The following RAP1GDS1 variants were observed in gnomAD, a reference collection of about 807,000 sequenced individuals.
RAP1GDS1 encodes the protein Rap1 GTPase-GDP dissociation stimulator 1.
Under a neutral mutation model 71.1 loss-of-function variants are expected in RAP1GDS1, and 35 were observed. That is an observed-to-expected ratio of 0.49 (90% CI 0.38 to 0.65). The LOEUF is 0.65. RAP1GDS1 is among the 30% of genes least tolerant of loss of function. The pLI, the probability that RAP1GDS1 is intolerant of heterozygous loss-of-function variation, is 0.00. For missense variants in RAP1GDS1, 663 were observed against 706.1 expected, an observed-to-expected ratio of 0.94 and a Z score of 0.69; for synonymous variants, 229 against 243.1, an observed-to-expected ratio of 0.94 and a Z score of 0.54.
At chr4:98,336,117 A>G (rs1434451653) in intron 2 of RAP1GDS1, among the ~76,000 whole-genome samples, 2 of 152,034 alleles carry the variant, frequency 1.3e-5, no homozygotes, top group Admixed American at 6.5e-5. Flanking sequence ...TTTTTTCACT[A>G]TGTTTTATTG....
chr4:98,393,241 T>C (rs566726345), intron 6 of RAP1GDS1, among the ~76,000 whole-genome samples: 2 of 152,296 alleles, frequency 1.3e-5, no homozygotes, highest in Non-Finnish European at 2.9e-5. Flanking sequence ...TTTACTTTTA[T>C]TTTGTCTTCC....
intron 8 of RAP1GDS1, 43 bp from the exon 9 acceptor site, chr4:98,417,324 G>A (rs1213683867): frequency 1.3e-6 from 2 of 1,574,472 alleles, no homozygotes; most frequent in Admixed American, 3.5e-5. Context: ...GTTACTCCTA[G>A]TTATTTTTCT....
intron 1 of RAP1GDS1, among the ~76,000 whole-genome samples, chr4:98,272,125 T>A (rs1404770859): frequency 2.0e-5 from 3 of 152,200 alleles, no homozygotes; most frequent in Admixed American, 6.5e-5. Context: ...GATAAATATT[T>A]CAGGCTTTGT....
intron 12 of RAP1GDS1, among the ~76,000 whole-genome samples, chr4:98,426,930 A>C (rs981347211): frequency 6.6e-6 from 1 of 152,184 alleles, no homozygotes; most frequent in Admixed American, 6.5e-5. Context: ...AGAAAACTAC[A>C]GACCAAAATC....
intron 4 of RAP1GDS1, among the ~76,000 whole-genome samples, chr4:98,371,199 A>G (rs1028966475): frequency 2.0e-5 from 3 of 148,696 alleles, no homozygotes; most frequent in African/African-American, 7.5e-5. Flanking sequence ...TGCAGGCTTC[A>G]TCTCCCGGGT....
intron 4 of RAP1GDS1, among the ~76,000 whole-genome samples, chr4:98,366,886 CAG>C (rs1425059494): frequency 2.0e-5 from 3 of 152,162 alleles, no homozygotes; most frequent in Non-Finnish European, 2.9e-5. Flanking sequence ...AAAAGGAAAA[CAG>C]AGCATAAAAG....
At chr4:98,315,768 T>C (rs1730849981) in intron 2 of RAP1GDS1, among the ~76,000 whole-genome samples, 1 of 152,084 alleles carries the variant, frequency 6.6e-6, no homozygotes. Context: ...GATTGGTGTT[T>C]TAAAAAGATC....
chr4:98,299,796 G>A (rs1728307806), intron 2 of RAP1GDS1, among the ~76,000 whole-genome samples: 1 of 151,770 alleles, frequency 6.6e-6, no homozygotes, highest in Non-Finnish European at 1.5e-5. Flanking sequence ...CACCATGCCT[G>A]GCTGATTTTT....
intron 5 of RAP1GDS1, among the ~76,000 whole-genome samples, chr4:98,389,852 C>T (rs1417318317): frequency 6.6e-6 from 1 of 152,088 alleles, no homozygotes. Context: ...CTTCTGTTAT[C>T]TTCTCCATAA....
chr4:98,346,401 G>A (rs1196363854), intron 3 of RAP1GDS1, among the ~76,000 whole-genome samples: 10 of 151,960 alleles, frequency 6.6e-5, no homozygotes, highest in Non-Finnish European at 5.9e-5. Context: ...TGTAGTACAT[G>A]TTTATTTTAG....
At chr4:98,363,478 C>CAACAAAAAAAAAAAAAAAAAAAAAAA (rs1739046066) in intron 4 of RAP1GDS1, among the ~76,000 whole-genome samples, 1 of 37,734 alleles carries the variant, frequency 2.7e-5, no homozygotes, top group African/African-American at 9.9e-5. Context: ...GACCCTGTCT[C>CAACAAAAAAAAAAAAAAAAAAAAAAA]AAAAAAAAAA....
At chr4:98,267,615 A>G (rs984980708) in intron 1 of RAP1GDS1, among the ~76,000 whole-genome samples, 3 of 152,030 alleles carry the variant, frequency 2.0e-5, no homozygotes, top group Non-Finnish European at 4.4e-5. Context: ...TCTTGTTTCT[A>G]TGTTAATTTG....
chr4:98,374,233 G>A (rs998707156), intron 4 of RAP1GDS1, among the ~76,000 whole-genome samples: 2 of 152,058 alleles, frequency 1.3e-5, no homozygotes, highest in African/African-American at 4.8e-5. Context: ...TTTAGTTTGT[G>A]TAATTTCTAT....
rs139979144 is a variant in RAP1GDS1 at position 98,365,748 on chromosome 4, G to A, written c.361+13147G>A. On this transcript the variant is annotated intron_variant, in intron 4 of 14. Transcript: ENST00000408927. ...ATGTTACTTTTTATCACTTTTGTTC[G>A]ATTTTTACTGATTGTTAATATACCC... Among the ~76,000 whole-genome samples, 170 of 152,058 alleles carry A rather than the reference G, an allele frequency of 1.1e-3. 1 individual carries two copies. The highest frequency in any genetic ancestry group is 3.9e-3 in the African/African-American group (161 of 41,494).
At chr4:98,296,153 A>G (rs1180817075) in intron 2 of RAP1GDS1, among the ~76,000 whole-genome samples, 1 of 152,080 alleles carries the variant, frequency 6.6e-6, no homozygotes, top group African/African-American at 2.4e-5. Context: ...TGATCAGGAA[A>G]GAAAGATTTC....
At chr4:98,344,249 T>C (rs1265486698) in intron 3 of RAP1GDS1, among the ~76,000 whole-genome samples, 1 of 152,216 alleles carries the variant, frequency 6.6e-6, no homozygotes, top group East Asian at 1.9e-4. Context: ...ATCACTCTTA[T>C]ATGTCACATC....
chr4:98,351,512 G>A (rs1737183153), intron 3 of RAP1GDS1, among the ~76,000 whole-genome samples: 1 of 152,126 alleles, frequency 6.6e-6, no homozygotes, highest in African/African-American at 2.4e-5. Context: ...AGAGTGAAAA[G>A]ATAGTGATTT....
In RAP1GDS1 at chr4:98,370,274, A is replaced by G. The variant is rs544531837; in HGVS notation, c.362-8743A>G. Among the ~76,000 whole-genome samples, 90 of 152,322 alleles carry G rather than the reference A, an allele frequency of 5.9e-4. 1 individual carries two copies. The highest frequency in any genetic ancestry group is 4.1e-4 in the South Asian group (2 of 4,828). On this transcript the variant is annotated intron_variant, in intron 4 of 14. Coordinates refer to ENST00000408927, the MANE Select transcript of RAP1GDS1 (RefSeq NM_001100427.2). ...AACTGACTGTGTAATACATTTCATT[A>G]ATCAGTATTTAAAATAAGGAAATTT...
Position 98,430,439 on chromosome 4 carries a change from C to G in RAP1GDS1, c.1441-3497C>G, listed in dbSNP as rs1429205829. Among the ~76,000 whole-genome samples the G allele has an allele frequency of 2.0e-5, 3 of 152,168 alleles. No individual in the cohort carries two copies. In the East Asian group the frequency reaches 5.8e-4, roughly 29 times the overall value. On this transcript the variant is annotated intron_variant, in intron 12 of 14. Coordinates refer to ENST00000408927, the MANE Select transcript of RAP1GDS1 (RefSeq NM_001100427.2). ...TTATTTTCTAACTTAACCAGTGTTA[C>G]AGTAGACATGACTGCTTTTGAGCAG... is the stretch of plus-strand genomic sequence containing the variant.
Sources: gnomAD v4.1 joint callset for allele counts (sites outside exome capture counted in the v4.1 genomes callset) on GRCh38, gnomAD v4.1.1 for gene constraint, MANE v1.5 for transcripts, NCBI Gene and HGNC (gene_info 2026-07-23, HGNC 2026-07-21) for gene names.